The following RCAN2 variants were observed in gnomAD, a reference collection of about 807,000 sequenced individuals.
RCAN2 encodes calcipressin-2.
In RCAN2, 9 loss-of-function variants were observed where a neutral mutation model predicts 23.6. The ratio of observed to expected loss-of-function variants is 0.38; its 90% CI spans 0.23 to 0.67. The LOEUF is 0.67. RCAN2 is among the 30% of genes least tolerant of loss of function. The pLI, the probability that RCAN2 is intolerant of heterozygous loss-of-function variation, is 0.51. For synonymous variants in RCAN2, 109 were observed against 115.7 expected (o/e 0.94, Z 0.37); for missense variants, 273 against 302.3 (o/e 0.90, Z 0.72).
intron 2 of RCAN2, among the ~76,000 whole-genome samples, chr6:46,269,059 A>G (rs1308390838): frequency 2.6e-5 from 4 of 152,206 alleles, no homozygotes; most frequent in Admixed American, 2.0e-4. Flanking sequence ...GACTATTCCT[A>G]TAGAGCATTC....
At chr6:46,472,844 G>C (rs1262546549) in intron 1 of RCAN2, among the ~76,000 whole-genome samples, 1 of 152,170 alleles carries the variant, frequency 6.6e-6, no homozygotes, top group Non-Finnish European at 1.5e-5. Flanking sequence ...AAGCCAGTCA[G>C]TCTGGGAAAG....
intron 2 of RCAN2, among the ~76,000 whole-genome samples, chr6:46,414,561 A>C (rs1766647718): frequency 6.6e-6 from 1 of 152,188 alleles, no homozygotes; most frequent in Non-Finnish European, 1.5e-5. Flanking sequence ...CATTTAAGTC[A>C]GTAGACTTTG....
intron 2 of RCAN2, among the ~76,000 whole-genome samples, chr6:46,408,460 C>G (rs1388818041): frequency 2.6e-5 from 4 of 152,204 alleles, no homozygotes; most frequent in Non-Finnish European, 5.9e-5. Flanking sequence ...GCTGGATGTG[C>G]TGCCCTTCAC....
intron 2 of RCAN2, among the ~76,000 whole-genome samples, chr6:46,429,379 C>T (rs904582964): frequency 1.3e-5 from 2 of 152,176 alleles, no homozygotes; most frequent in Non-Finnish European, 2.9e-5. Flanking sequence ...ATGTGAATAT[C>T]AGCAAATTAC....
chr6:46,237,132 T>C (rs1177927424), intron 4 of RCAN2, among the ~76,000 whole-genome samples: 1 of 152,218 alleles, frequency 6.6e-6, no homozygotes, highest in East Asian at 1.9e-4. Context: ...GGGAGCCTAG[T>C]TTTGTCTTTC....
intron 2 of RCAN2, among the ~76,000 whole-genome samples, chr6:46,456,252 G>T (rs1768026440): frequency 6.6e-6 from 1 of 152,148 alleles, no homozygotes; most frequent in Admixed American, 6.5e-5. Context: ...AGCAAAGAAG[G>T]ACTCAGATGC....
chr6:46,277,463 G>C (rs994324685), intron 2 of RCAN2, among the ~76,000 whole-genome samples: 1 of 152,126 alleles, frequency 6.6e-6, no homozygotes, highest in African/African-American at 2.4e-5. Context: ...AACTGTCCTG[G>C]GCCAGTTGGG....
At chr6:46,252,207 G>A (rs999525953) in intron 2 of RCAN2, among the ~76,000 whole-genome samples, 4 of 152,086 alleles carry the variant, frequency 2.6e-5, no homozygotes, top group Non-Finnish European at 5.9e-5. Flanking sequence ...GCCACCAGAT[G>A]TACACTGAGG....
intron 2 of RCAN2, among the ~76,000 whole-genome samples, chr6:46,312,150 T>G (rs78589375): frequency 0.024 from 3,676 of 152,290 alleles, 79 homozygotes; most frequent in Non-Finnish European, 0.033. Flanking sequence ...ATGGGTTACA[T>G]GCCATGCTAA....
chr6:46,451,095 T>A (rs1456774632), intron 2 of RCAN2, among the ~76,000 whole-genome samples: 1 of 152,112 alleles, frequency 6.6e-6, no homozygotes, highest in East Asian at 1.9e-4. Flanking sequence ...AAAATAGACA[T>A]GAGCATCTTA....
At chr6:46,423,813 C>G (rs80068989) in intron 2 of RCAN2, among the ~76,000 whole-genome samples, 1 of 152,176 alleles carries the variant, frequency 6.6e-6, no homozygotes, top group South Asian at 2.1e-4. Context: ...GCAGTAAGAA[C>G]TACATTGAGT....
chr6:46,407,005 T>C (rs901991965), intron 2 of RCAN2, among the ~76,000 whole-genome samples: 3 of 152,170 alleles, frequency 2.0e-5, no homozygotes, highest in African/African-American at 7.2e-5. Flanking sequence ...ACTTCTAAAA[T>C]GGACTCCAAA....
At chr6:46,437,784 G>A (rs779619754) in intron 2 of RCAN2, among the ~76,000 whole-genome samples, 9 of 152,202 alleles carry the variant, frequency 5.9e-5, no homozygotes, top group Admixed American at 3.3e-4. Flanking sequence ...AGACACAGGG[G>A]CTATTCTTAG....
intron 2 of RCAN2, among the ~76,000 whole-genome samples, chr6:46,426,147 C>G (rs928151049): frequency 2.6e-5 from 4 of 152,080 alleles, no homozygotes; most frequent in Admixed American, 2.0e-4. Context: ...GATCCACCCC[C>G]CTCAGCTTCC....
intron 2 of RCAN2, among the ~76,000 whole-genome samples, chr6:46,266,992 A>G (rs1173170318): frequency 1.3e-5 from 2 of 152,212 alleles, no homozygotes; most frequent in Non-Finnish European, 2.9e-5. Flanking sequence ...TAAATGATGC[A>G]AAGGGTTTGA....
intron 2 of RCAN2, among the ~76,000 whole-genome samples, chr6:46,304,882 C>CG (rs1421948508): frequency 5.9e-5 from 9 of 152,034 alleles, no homozygotes; most frequent in Admixed American, 2.0e-4. Flanking sequence ...TTTACTAGAA[C>CG]GGGGGGTGCC....
At chr6:46,383,271 C>T (rs756757982) in intron 2 of RCAN2, among the ~76,000 whole-genome samples, 26 of 150,794 alleles carry the variant, frequency 1.7e-4, no homozygotes, top group African/African-American at 3.7e-4. Flanking sequence ...ATTTGAAGTA[C>T]GCCTTGAAGA....
chr6:46,327,160 G>C (rs1201183526), intron 2 of RCAN2, among the ~76,000 whole-genome samples: 3 of 152,210 alleles, frequency 2.0e-5, no homozygotes, highest in Non-Finnish European at 4.4e-5. Context: ...GAGGAGATAA[G>C]ACATGGAGAC....
chr6:46,356,591 G>T (rs563429755), intron 2 of RCAN2, among the ~76,000 whole-genome samples: 1 of 152,296 alleles, frequency 6.6e-6, no homozygotes, highest in Admixed American at 6.5e-5. Context: ...CAGGGCAGAG[G>T]CTTGGATGGA....
Sources: allele counts gnomAD v4.1 joint callset (sites outside exome capture counted in the v4.1 genomes callset), GRCh38; gene constraint gnomAD v4.1.1; transcripts MANE v1.5; gene names NCBI Gene and HGNC (gene_info 2026-07-23, HGNC 2026-07-21).